WWP2: variants seen among roughly 807,000 people sequenced by gnomAD.
WWP2 encodes NEDD4-like E3 ubiquitin-protein ligase WWP2.
A neutral mutation model predicts 121.0 loss-of-function variants in WWP2; 57 were observed. The observed-to-expected ratio is 0.47, with a 90% CI of 0.38 to 0.59. WWP2 has a LOEUF of 0.59. Among genes scored for constraint, WWP2 ranks in the 20% least tolerant of loss-of-function variants. WWP2 has a pLI of 0.00. For synonymous variants in WWP2, 449 were observed against 441.3 expected (o/e 1.02, Z -0.22); for missense variants, 962 against 1,158.9 (o/e 0.83, Z 2.47).
intron 8 of WWP2, among the ~76,000 whole-genome samples, chr16:69,900,025 T>A (rs971420931): frequency 7.9e-5 from 12 of 152,224 alleles, no homozygotes; most frequent in Non-Finnish European, 1.8e-4. Context: ...ATGATTTATT[T>A]GATTAACTCT....
chr16:69,900,079 C>T (rs896090179), intron 8 of WWP2, among the ~76,000 whole-genome samples: 2 of 152,140 alleles, frequency 1.3e-5, no homozygotes, highest in African/African-American at 4.8e-5. Flanking sequence ...TCTGTAACTG[C>T]TGTAATATGA....
intron 6 of WWP2, among the ~76,000 whole-genome samples, chr16:69,868,661 G>GCACACACACACACA (rs57674223): frequency 6.7e-6 from 1 of 149,224 alleles, no homozygotes; most frequent in East Asian, 2.0e-4. Flanking sequence ...ATACACATGT[G>GCACACACACACACA]CACACACACA....
chr16:69,894,090 A>G (rs1413202122), intron 8 of WWP2, among the ~76,000 whole-genome samples: 1 of 148,088 alleles, frequency 6.8e-6, no homozygotes, highest in Non-Finnish European at 1.5e-5. Context: ...TTTTTTTTTT[A>G]ACTGAGATGG....
intron 8 of WWP2, among the ~76,000 whole-genome samples, chr16:69,893,698 C>A (rs60137705): frequency 6.6e-6 from 1 of 151,998 alleles, no homozygotes; most frequent in Non-Finnish European, 1.5e-5. Context: ...TGCGCCACCA[C>A]GCCCAGCTAA....
intron 6 of WWP2, among the ~76,000 whole-genome samples, chr16:69,865,904 A>T (rs963010613): frequency 1.3e-5 from 2 of 152,180 alleles, no homozygotes; most frequent in Admixed American, 1.3e-4. Flanking sequence ...CTGTGTGGAA[A>T]CCACAAAAGG....
chr16:69,898,557 T>C (rs867746650), intron 8 of WWP2, among the ~76,000 whole-genome samples: 2 of 152,240 alleles, frequency 1.3e-5, no homozygotes, highest in Non-Finnish European at 2.9e-5. Flanking sequence ...TGAAGTTCCC[T>C]GATTACTATT....
intron 9 of WWP2, among the ~76,000 whole-genome samples, chr16:69,911,830 T>C (rs2058382859): frequency 6.6e-6 from 1 of 152,026 alleles, no homozygotes; most frequent in South Asian, 2.1e-4. Flanking sequence ...AAACAGCATA[T>C]GGGAGATGTT....
intron 9 of WWP2, among the ~76,000 whole-genome samples, chr16:69,916,113 G>A (rs764156333): frequency 2.6e-5 from 4 of 152,114 alleles, no homozygotes; most frequent in Non-Finnish European, 5.9e-5. Flanking sequence ...AAGCTAGGAA[G>A]GTTCCAGATT....
intron 4 of WWP2, among the ~76,000 whole-genome samples, chr16:69,832,141 T>C (rs1168102543): frequency 6.6e-6 from 1 of 152,124 alleles, no homozygotes. Flanking sequence ...CTTTGTTTGT[T>C]TGTTTGTTTT....
intron 1 of WWP2, among the ~76,000 whole-genome samples, chr16:69,767,584 C>T (rs1370207910): frequency 3.3e-5 from 5 of 152,142 alleles, no homozygotes; most frequent in Non-Finnish European, 5.9e-5. Flanking sequence ...AGTGAAAACA[C>T]GTTGCAAGAA....
chr16:69,897,162 G>A (rs1188953559), intron 8 of WWP2, among the ~76,000 whole-genome samples: 2 of 151,880 alleles, frequency 1.3e-5, no homozygotes, highest in African/African-American at 4.8e-5. Flanking sequence ...GAGTGCAGTG[G>A]CGTGGTCTCA....
chr16:69,842,051 G>A lies in WWP2; in HGVS notation c.506G>A (p.Ser169Asn). The change falls in exon 6 of 24, where the codon AGT becomes AAT. Residue 169 changes from serine (S) to asparagine (N), a missense_variant. This residue lies in a region of WWP2 where 211 missense variants were observed against 196.5 expected (regional missense o/e 1.07). Transcript: ENST00000359154. ...DGSQLPSRDSSGTAVAPENRH... is the reference protein window; with the variant it reads ...DGSQLPSRDSNGTAVAPENRH... The stretch of plus-strand genomic sequence containing the variant: ...TCACAGCTGCCTTCGAGAGACTCCA[G>A]TGGAACAGCAGTAGCTCCAGAGAAC... The A allele has an allele frequency of 6.2e-7, 1 of 1,613,466 alleles. No homozygotes were observed. The highest frequency in any genetic ancestry group is 8.5e-7 in the Non-Finnish European group (1 of 1,179,786).
chr16:69,916,885 C>T (rs1018549830), intron 9 of WWP2, among the ~76,000 whole-genome samples: 2 of 152,040 alleles, frequency 1.3e-5, no homozygotes, highest in Non-Finnish European at 1.5e-5. Flanking sequence ...TCATTGAGGC[C>T]GGGTGCAGTG....
chr16:69,789,927 C>T (rs1197186681), intron 2 of WWP2, among the ~76,000 whole-genome samples: 1 of 152,194 alleles, frequency 6.6e-6, no homozygotes, highest in Non-Finnish European at 1.5e-5. Context: ...CTGCTGTTGA[C>T]TGAAAGCCTT....
intron 2 of WWP2, among the ~76,000 whole-genome samples, chr16:69,794,284 G>C (rs2055979739): frequency 6.6e-6 from 1 of 152,180 alleles, no homozygotes; most frequent in Non-Finnish European, 1.5e-5. Flanking sequence ...CAGTACTTTA[G>C]GAGGCTGAGG....
At chr16:69,936,608 C>T (rs1364596988) in intron 19 of WWP2, 156 bp downstream of exon 19, 14 of 1,113,110 alleles carry the variant, frequency 1.3e-5, no homozygotes, top group East Asian at 1.0e-4. Context: ...CATGTGATGG[C>T]GCGAGCTGGG....
intron 6 of WWP2, among the ~76,000 whole-genome samples, chr16:69,850,254 G>A (rs1239066349): frequency 6.6e-6 from 1 of 152,058 alleles, no homozygotes; most frequent in Non-Finnish European, 1.5e-5. Flanking sequence ...GGGCGTGGTG[G>A]TGTGCGCCTG....
intron 1 of WWP2, among the ~76,000 whole-genome samples, chr16:69,776,735 G>T (rs1264072522): frequency 6.6e-6 from 1 of 152,152 alleles, no homozygotes; most frequent in Non-Finnish European, 1.5e-5. Context: ...GGCTGAGGCA[G>T]GAGAATTGCT....
chr16:69,883,182 C>T (rs1223752329), intron 7 of WWP2, among the ~76,000 whole-genome samples: 1 of 151,872 alleles, frequency 6.6e-6, no homozygotes, highest in Admixed American at 6.6e-5. Context: ...TACAGCAATT[C>T]TGTAAGGCAT....
Sources: allele counts gnomAD v4.1 joint callset (sites outside exome capture counted in the v4.1 genomes callset), GRCh38; gene constraint gnomAD v4.1.1; regional missense constraint gnomAD v4.1.1; transcripts MANE v1.5; gene names NCBI Gene and HGNC (gene_info 2026-07-23, HGNC 2026-07-21).